The following DNAH8 variants were observed in gnomAD, a reference collection of about 807,000 sequenced individuals.
The protein encoded by DNAH8 is axonemal beta dynein heavy chain 8.
Under a neutral mutation model 562.1 loss-of-function variants are expected in DNAH8, and 382 were observed. The ratio of observed to expected loss-of-function variants is 0.68; its 90% CI spans 0.63 to 0.74. The LOEUF (loss-of-function observed/expected upper bound fraction) is 0.74. Among genes scored for constraint, DNAH8 ranks in the 30% least tolerant of loss-of-function variants. The pLI is 0.00. For missense variants in DNAH8, 5,203 were observed against 5,620.4 expected, an observed-to-expected ratio of 0.93 and a Z score of 2.37; for synonymous variants, 1,881 against 1,919.4, an observed-to-expected ratio of 0.98 and a Z score of 0.52.
At chr6:38,929,704 A>G (rs754270322) in intron 75 of DNAH8, 38 bp downstream of exon 75, 12 of 1,478,140 alleles carry the variant, frequency 8.1e-6, no homozygotes, top group Non-Finnish European at 2.7e-6. Context: ...AAAGAAAGAA[A>G]GAAAAGAAAA....
At chr6:38,862,981 T>C (rs1776750772) in intron 44 of DNAH8, among the ~76,000 whole-genome samples, 1 of 152,206 alleles carries the variant, frequency 6.6e-6, no homozygotes, top group East Asian at 1.9e-4. Context: ...ATGCATTCTC[T>C]TGGTGATCTT....
chr6:38,722,848 A>G lies in DNAH8; in HGVS notation c.39A>G (p.Gly13=). Reference sequence around the variant, plus strand: ...CTGAAGATGGCGCCCCTTCTGAGGGAGCAGAGGCTCCTCCCTCTACGGAAG... The same window carrying G: ...CTGAAGATGGCGCCCCTTCTGAGGGGGCAGAGGCTCCTCCCTCTACGGAAG... ...KDAEDGAPSE[G]AEAPPSTEEA... The change falls in exon 2 of 93, where the codon GGA becomes GGG. Residue 13 remains glycine, a synonymous_variant. Transcript: ENST00000327475. 6.2e-7 allele frequency: 1 copy of G among 1,609,030 alleles called. No homozygotes were observed. The highest frequency in any genetic ancestry group is 8.5e-7 in the Non-Finnish European group (1 of 1,177,742).
intron 91 of DNAH8, among the ~76,000 whole-genome samples, chr6:39,016,528 G>A (rs1766582463): frequency 6.7e-6 from 1 of 148,462 alleles, no homozygotes; most frequent in Non-Finnish European, 1.5e-5. Context: ...TCCAGCCTGG[G>A]CAACAGAGCG....
At chr6:38,742,303 TTTTC>T (rs1764581133) in intron 8 of DNAH8, among the ~76,000 whole-genome samples, 2 of 152,174 alleles carry the variant, frequency 1.3e-5, no homozygotes, top group Admixed American at 6.5e-5. Flanking sequence ...GATTCTTTTC[TTTTC>T]TTTCTTTTTG....
chr6:38,871,790 G>T (rs1777485407), intron 49 of DNAH8, among the ~76,000 whole-genome samples: 1 of 152,114 alleles, frequency 6.6e-6, no homozygotes, highest in Non-Finnish European at 1.5e-5. Context: ...CATTTTGTTG[G>T]CAGGCACAAA....
At chr6:38,806,589 G>A (rs1771294045) in intron 23 of DNAH8, among the ~76,000 whole-genome samples, 1 of 152,032 alleles carries the variant, frequency 6.6e-6, no homozygotes, top group Admixed American at 6.5e-5. Flanking sequence ...TGTGCTAGTG[G>A]TCACCTCATA....
At chr6:39,028,163 C>T (rs1767419533) in intron 92 of DNAH8, among the ~76,000 whole-genome samples, 1 of 152,202 alleles carries the variant, frequency 6.6e-6, no homozygotes, top group African/African-American at 2.4e-5. Flanking sequence ...CCAGCCTCTC[C>T]CCATTATGCA....
Position 38,949,567 on chromosome 6 carries a change from TCAGGTGAGAA to T in DNAH8, c.12248+2_12248+11del. On this transcript the variant is annotated splice_donor_variant and splice_donor_5th_base_variant and coding_sequence_variant and intron_variant, in exon 81 of 93. Transcript: ENST00000327475. LOFTEE classifies it high-confidence loss of function. Reference sequence around the variant, plus strand: ...GATACCTGCCATAAACTTTTACTTATCAGGTGAGAACAGGCATTATCAGACCTAGAAGCAT... The same window carrying T: ...GATACCTGCCATAAACTTTTACTTATCAGGCATTATCAGACCTAGAAGCAT... 1 of 1,550,432 alleles carries T rather than the reference TCAGGTGAGAA, an allele frequency of 6.4e-7. No homozygotes were observed. The highest frequency in any genetic ancestry group is 8.9e-7 in the Non-Finnish European group (1 of 1,122,082).
intron 24 of DNAH8, among the ~76,000 whole-genome samples, chr6:38,811,198 C>T (rs1296683593): frequency 6.6e-6 from 1 of 152,094 alleles, no homozygotes; most frequent in Non-Finnish European, 1.5e-5. Context: ...CTAGGATATT[C>T]TTTCATTGTC....
intron 70 of DNAH8, among the ~76,000 whole-genome samples, chr6:38,918,707 A>G (rs541901959): frequency 1.3e-5 from 2 of 152,322 alleles, no homozygotes; most frequent in South Asian, 2.1e-4. Context: ...CAAGCACTCC[A>G]TAATGGCCAA....
At chr6:38,746,539 T>A (rs1309576639) in intron 8 of DNAH8, among the ~76,000 whole-genome samples, 1 of 151,586 alleles carries the variant, frequency 6.6e-6, no homozygotes, top group Non-Finnish European at 1.5e-5. Flanking sequence ...TAAAATGGAA[T>A]CATTTATAAT....
Position 38,850,393 on chromosome 6 carries a change from T to G in DNAH8, c.5342T>G (p.Val1781Gly), listed in dbSNP as rs1775647493. Residue 1781 changes from valine to glycine, a missense_variant, in exon 38 of 93, where the codon GTA becomes GGA. This residue lies in a region of DNAH8 where 2,176 missense variants were observed against 2,365.1 expected (regional missense o/e 0.92). Coordinates refer to ENST00000327475, the MANE Select transcript of DNAH8 (RefSeq NM_001206927.2). ...CCTCATTTACATGAGCAGTTGGAAG[T>G]ATGTCAGAAGTCACTCACAGGGTAA... ...LLPHLHEQLEVCQKSLTGYLE... is the reference protein window; with the variant it reads ...LLPHLHEQLEGCQKSLTGYLE... 1 of 1,613,104 alleles carries G rather than the reference T, an allele frequency of 6.2e-7. No individual in the cohort carries two copies.
chr6:38,867,702 G>A (rs370606779), intron 47 of DNAH8, among the ~76,000 whole-genome samples: 59 of 145,854 alleles, frequency 4.0e-4, no homozygotes, highest in African/African-American at 1.3e-3. Context: ...GCAGTGAGCC[G>A]AGGTCCCGCC....
rs1771183616 is a variant in DNAH8 at position 38,805,478 on chromosome 6, T to C, written c.3035-3T>C. 2.5e-6 allele frequency: 4 copies of C among 1,578,984 alleles called. No homozygotes were observed. Among genetic ancestry groups the C allele is most frequent in the South Asian group, 1.1e-5 (1 of 90,278 alleles). On this transcript the variant is annotated splice_region_variant and splice_polypyrimidine_tract_variant and intron_variant, in intron 22 of 92. Transcript: ENST00000327475. Reference sequence around the variant, plus strand: ...ATATTTTTGTTTTGTCTTTTGTCTATAGAACAGCGGAAACACGTTGTTTTT... The same window carrying C: ...ATATTTTTGTTTTGTCTTTTGTCTACAGAACAGCGGAAACACGTTGTTTTT...
At chr6:38,872,874 GA>G in intron 50 of DNAH8, 31 bp from the exon 51 acceptor site, 1 of 1,608,322 alleles carries the variant, frequency 6.2e-7, no homozygotes, top group Non-Finnish European at 8.5e-7. Flanking sequence ...ACTTGCAAGT[GA>G]AAAGTGATTT....
chr6:38,989,985 A>C, intron 87 of DNAH8, 27 bp from the exon 88 acceptor site: 1 of 1,430,812 alleles, frequency 7.0e-7, no homozygotes, highest in Non-Finnish European at 9.6e-7. Flanking sequence ...CATCAATTTT[A>C]TTTCTTTTGT....
intron 44 of DNAH8, among the ~76,000 whole-genome samples, chr6:38,862,986 G>A (rs1026606478): frequency 2.0e-5 from 3 of 152,148 alleles, no homozygotes; most frequent in Admixed American, 6.5e-5. Context: ...TTCTCTTGGT[G>A]ATCTTATGTA....
chr6:38,778,259 A>G, intron 13 of DNAH8, 129 bp from the exon 14 acceptor site: 1 of 545,438 alleles, frequency 1.8e-6, no homozygotes, highest in East Asian at 3.1e-5. Context: ...GCAGTTCTTG[A>G]TGCTTAGATG....
At chr6:38,841,388 C>T (rs1032894450) in intron 33 of DNAH8, among the ~76,000 whole-genome samples, 3 of 152,080 alleles carry the variant, frequency 2.0e-5, no homozygotes, top group Non-Finnish European at 4.4e-5. Flanking sequence ...CACTGCACTC[C>T]AGCCTGGGCA....
Sources: allele counts gnomAD v4.1 joint callset (sites outside exome capture counted in the v4.1 genomes callset), GRCh38; gene constraint gnomAD v4.1.1; regional missense constraint gnomAD v4.1.1; transcripts MANE v1.5; gene names NCBI Gene and HGNC (gene_info 2026-07-23, HGNC 2026-07-21).